Variants in ARHGAP22 observed in about 807,000 individuals in gnomAD.
The protein encoded by ARHGAP22 is rho GTPase-activating protein 22.
Under a neutral mutation model 59.1 loss-of-function variants are expected in ARHGAP22, and 48 were observed. The ratio of observed to expected loss-of-function variants is 0.81; its 90% CI spans 0.64 to 1.03. The LOEUF is 1.03. ARHGAP22 is among the 50% of genes least tolerant of loss of function. ARHGAP22 has a pLI of 0.00. For missense variants in ARHGAP22, 1,015 were observed against 958.7 expected, an observed-to-expected ratio of 1.06 and a Z score of -0.78; for synonymous variants, 445 against 416.4, an observed-to-expected ratio of 1.07 and a Z score of -0.84.
chr10:48,504,787 T>A (rs1188363046), intron 3 of ARHGAP22, among the ~76,000 whole-genome samples: 2 of 152,034 alleles, frequency 1.3e-5, no homozygotes, highest in African/African-American at 4.8e-5. Flanking sequence ...TGGGCTGGGA[T>A]GCAGGTGGTG....
At chr10:48,611,859 C>CCCTTCCCTTCCCTTCCCTTCCCT (rs1564997976) in intron 1 of ARHGAP22, among the ~76,000 whole-genome samples, 1 of 15,396 alleles carries the variant, frequency 6.5e-5, no homozygotes, top group Non-Finnish European at 1.2e-4. Context: ...TTCCCTTCCC[C>CCCTTCCCTTCCCTTCCCTTCCCT]TCCCCTCCCC....
upstream of ARHGAP22, among the ~76,000 whole-genome samples, chr10:48,606,513 A>G (rs1052726425): frequency 1.3e-5 from 2 of 152,196 alleles, no homozygotes; most frequent in Non-Finnish European, 2.9e-5. Flanking sequence ...AGGTTCTTTC[A>G]TGGTAGCATC....
intron 1 of ARHGAP22, among the ~76,000 whole-genome samples, chr10:48,621,298 C>G (rs2061278436): frequency 6.6e-6 from 1 of 152,166 alleles, no homozygotes; most frequent in South Asian, 2.1e-4. Context: ...TTGGTTTAAA[C>G]TTGCCTCATG....
At chr10:48,631,746 G>A (rs2061635673) in intron 1 of ARHGAP22, among the ~76,000 whole-genome samples, 1 of 152,022 alleles carries the variant, frequency 6.6e-6, no homozygotes. Flanking sequence ...ATTGTTACTT[G>A]GACAAACAGT....
At chr10:48,433,591 G>GT in the ARHGAP22 span, among the ~76,000 whole-genome samples, 30 of 152,028 alleles carry the variant, frequency 2.0e-4, no homozygotes, top group African/African-American at 6.8e-4. Context: ...TTTCTCTTCC[G>GT]TTTCAGCTCC....
the ARHGAP22 span, among the ~76,000 whole-genome samples, chr10:48,440,549 G>A: frequency 6.6e-5 from 10 of 152,146 alleles, no homozygotes; most frequent in Non-Finnish European, 1.0e-4. Context: ...AGTATTCCAG[G>A]CTGAAGGAAA....
chr10:48,629,344 T>C (rs1170855725), intron 1 of ARHGAP22, among the ~76,000 whole-genome samples: 1 of 152,246 alleles, frequency 6.6e-6, no homozygotes, highest in East Asian at 1.9e-4. Context: ...CTTCCTGCCC[T>C]CTCCATGGGT....
At chr10:48,623,346 T>G (rs2061345485) in intron 1 of ARHGAP22, among the ~76,000 whole-genome samples, 1 of 152,250 alleles carries the variant, frequency 6.6e-6, no homozygotes, top group African/African-American at 2.4e-5. Flanking sequence ...GGTCACAGTT[T>G]TGATTCTAGC....
At chr10:48,613,701 A>G (rs1328763310) in intron 1 of ARHGAP22, among the ~76,000 whole-genome samples, 1 of 151,982 alleles carries the variant, frequency 6.6e-6, no homozygotes. Flanking sequence ...AAAAATAGAG[A>G]GGCCAGGACC....
intron 4 of ARHGAP22, among the ~76,000 whole-genome samples, chr10:48,476,725 A>G: frequency 6.6e-6 from 1 of 152,260 alleles, no homozygotes. Flanking sequence ...GGAAGGGGTC[A>G]GTCTAGGGTC....
chr10:48,534,370 T>G (rs1340404071), intron 3 of ARHGAP22, among the ~76,000 whole-genome samples: 2 of 152,124 alleles, frequency 1.3e-5, no homozygotes, highest in Non-Finnish European at 2.9e-5. Flanking sequence ...CCCCACCTGC[T>G]CTTTCCAACT....
At chr10:48,588,513 GTCAAACAGC>G (rs1249454688) in intron 1 of ARHGAP22, among the ~76,000 whole-genome samples, 10 of 152,304 alleles carry the variant, frequency 6.6e-5, no homozygotes, top group South Asian at 2.1e-4. Flanking sequence ...CAGGCCTCAA[GTCAAACAGC>G]TCTGGCATTC....
rs572687342 is a variant in ARHGAP22, at chr10:48,615,449, G to A, written c.53-32297C>T. ...TAAACAAATAAATGATGGAAACTAT[G>A]ACAAGCAGCAACAACAGATCCTGGA... On this transcript the variant is annotated intron_variant, in intron 1 of 9. Coordinates refer to the ARHGAP22 transcript ENST00000435790. 3.9e-5 allele frequency among the ~76,000 whole-genome samples: 6 copies of A among 152,230 alleles called. No individual in the cohort carries two copies. The East Asian group carries it at 5.8e-4, about 15-fold the overall frequency.
intron 3 of ARHGAP22, among the ~76,000 whole-genome samples, chr10:48,510,298 G>T (rs964875992): frequency 6.6e-6 from 1 of 152,222 alleles, no homozygotes; most frequent in Non-Finnish European, 1.5e-5. Flanking sequence ...TTGACCAAGT[G>T]AATCTGCAGA....
intron 3 of ARHGAP22, among the ~76,000 whole-genome samples, chr10:48,539,009 A>T (rs1233606476): frequency 6.6e-6 from 1 of 152,230 alleles, no homozygotes; most frequent in Non-Finnish European, 1.5e-5. Flanking sequence ...GAAGAAATGG[A>T]ATTACTTGAA....
rs139291325 is a variant in ARHGAP22, at chr10:48,506,652, G to A, written c.323-26888C>T. On this transcript the variant is annotated intron_variant, in intron 3 of 9. Transcript: ENST00000249601. ...AGCACCATTCCCTAGCACAACACCAGGAGGCAGCCATTCACATGGTAGTCT... is the reference window on the plus strand; with the variant it reads ...AGCACCATTCCCTAGCACAACACCAAGAGGCAGCCATTCACATGGTAGTCT... Among the ~76,000 whole-genome samples the A allele has an allele frequency of 2.5e-3, 377 of 152,220 alleles. 1 individual carries two copies. The highest frequency in any genetic ancestry group is 7.9e-3 in the African/African-American group (327 of 41,532).
Position 48,640,974 on chromosome 10 carries a change from G to A in ARHGAP22, c.52+11260C>T, listed in dbSNP as rs117396095. Among the ~76,000 whole-genome samples, 775 of 152,186 alleles carry A rather than the reference G, an allele frequency of 5.1e-3. 4 individuals carry two copies. The highest frequency in any genetic ancestry group is 0.014 in the Middle Eastern group (4 of 294). ...AAGCCCAAAACAATAGTAGCACAAA[G>A]GAAAATGGATAAAATGAAGCTGTCT... On this transcript the variant is annotated intron_variant, in intron 1 of 9. Coordinates refer to the ARHGAP22 transcript ENST00000435790.
intron 1 of ARHGAP22, among the ~76,000 whole-genome samples, chr10:48,604,320 G>T (rs1358038771): frequency 6.6e-6 from 1 of 152,262 alleles, no homozygotes; most frequent in Non-Finnish European, 1.5e-5. Context: ...AAAGCAGCGG[G>T]AACGAAGACC....
chr10:48,507,100 T>C (rs1218504978), intron 3 of ARHGAP22, among the ~76,000 whole-genome samples: 1 of 152,226 alleles, frequency 6.6e-6, no homozygotes, highest in African/African-American at 2.4e-5. Flanking sequence ...CATCATCATC[T>C]TAGCCATCCA....
Sources: allele counts gnomAD v4.1 joint callset (sites outside exome capture counted in the v4.1 genomes callset), GRCh38; gene constraint gnomAD v4.1.1; transcripts MANE v1.5; gene names NCBI Gene and HGNC (gene_info 2026-07-23, HGNC 2026-07-21).